The following UBR4 variants were observed in gnomAD, a reference collection of about 807,000 sequenced individuals.
UBR4 encodes the protein ubiquitin protein ligase E3 component n-recognin 4.
In UBR4, 124 loss-of-function variants were observed where a neutral mutation model predicts 575.6. That is an observed-to-expected ratio of 0.22 (90% confidence interval 0.19 to 0.25). The LOEUF is 0.25. Among genes scored for constraint, UBR4 ranks in the 10% least tolerant of loss-of-function variants. The pLI, the probability that UBR4 is intolerant of heterozygous loss-of-function variation, is 1.00. For missense variants in UBR4, 4,818 were observed against 6,478.8 expected (o/e 0.74, Z 8.80); for synonymous variants, 2,455 against 2,473.7 (o/e 0.99, Z 0.22).
At position 19,110,247 on chromosome 1, in the gene UBR4, A is replaced by G; in HGVS notation, c.11978-24T>C. 1.2e-6 allele frequency: 2 copies of G among 1,614,204 alleles called. No individual in the cohort carries two copies. The highest frequency in any genetic ancestry group is 1.7e-6 in the Non-Finnish European group (2 of 1,180,024). On this transcript the variant is annotated intron_variant, in intron 80 of 105. Transcript: ENST00000375254. This position sits in a 1 kb window ranked among gnomAD's most constrained non-coding sequence, Gnocchi z 4.5. Reference sequence around the variant, plus strand: ...AGCTAGGGATGGTCAGGAAAGGCAGAGTCACAATCAGGAACACTACACATC... The same window carrying G: ...AGCTAGGGATGGTCAGGAAAGGCAGGGTCACAATCAGGAACACTACACATC...
Position 19,088,684 on chromosome 1 carries a change from C to T in UBR4, c.14430+75G>A. The T allele has an allele frequency of 6.6e-7, 1 of 1,520,750 alleles. No homozygotes were observed. The highest frequency in any genetic ancestry group is 9.1e-7 in the Non-Finnish European group (1 of 1,102,022). The allele number at this position is 1,520,750 out of a possible 1,614,324, so 94.2% of individuals were successfully genotyped here. On this transcript the variant is annotated intron_variant, in intron 98 of 105. Coordinates refer to ENST00000375254, the MANE Select transcript of UBR4 (RefSeq NM_020765.3). The surrounding 1 kb of genome is among the most constrained non-coding windows in gnomAD (Gnocchi z 4.0). ...AGCCTTCTCTTTCCCCATGGCCAACCCCAGGGCTGTCCCATGGCCACCTCC... is the reference window on the plus strand; with the variant it reads ...AGCCTTCTCTTTCCCCATGGCCAACTCCAGGGCTGTCCCATGGCCACCTCC...
Position 19,139,338 on chromosome 1 carries a change from C to A in UBR4, c.8594-118G>T. On this transcript the variant is annotated intron_variant, in intron 58 of 105. Coordinates refer to ENST00000375254, the MANE Select transcript of UBR4 (RefSeq NM_020765.3). This position sits in a 1 kb window ranked among gnomAD's most constrained non-coding sequence, Gnocchi z 4.2. ...ATCAAACCACATAGTGCATAGGACACAATGCAGTTTATATATCCTGTCGTC... is the reference window on the plus strand; with the variant it reads ...ATCAAACCACATAGTGCATAGGACAAAATGCAGTTTATATATCCTGTCGTC... 1 of 1,306,206 alleles carries A rather than the reference C, an allele frequency of 7.7e-7. No homozygotes were observed. The highest frequency in any genetic ancestry group is 2.6e-4 in the Middle Eastern group (1 of 3,832). 80.9% of individuals were successfully genotyped at this position (1,306,206 alleles called of 1,614,324 possible).
Position 19,074,788 on chromosome 1 carries a change from G to A in UBR4, c.*44C>T, listed in dbSNP as rs2075758824. On this transcript the variant is annotated 3_prime_UTR_variant, in exon 106 of 106. Coordinates refer to ENST00000375254, the MANE Select transcript of UBR4 (RefSeq NM_020765.3). ...CAAGGAGGGAGAACAGAGGGTGGAA[G>A]GCAAGCCAGCTTCGTCTTCGCCGCC... 4.4e-6 allele frequency: 7 copies of A among 1,607,588 alleles called. No homozygotes were observed. Among genetic ancestry groups the A allele is most frequent in the Non-Finnish European group, 6.0e-6 (7 of 1,175,920 alleles).
chr1:19,088,661 C>G lies in UBR4; in HGVS notation c.14430+98G>C, dbSNP rs188824688. ...AGTTCCTTCCTCCTACTCTGTCCAG[C>G]CTTCTCTTTCCCCATGGCCAACCCC... is the stretch of plus-strand genomic sequence containing the variant. On this transcript the variant is annotated intron_variant, in intron 98 of 105. Transcript: ENST00000375254. This position sits in a 1 kb window ranked among gnomAD's most constrained non-coding sequence, Gnocchi z 4.0. 2.1e-5 allele frequency: 26 copies of G among 1,229,684 alleles called. No homozygotes were observed. The highest frequency in any genetic ancestry group is 2.7e-4 in the Middle Eastern group (1 of 3,676). 76.2% of individuals were successfully genotyped at this position (1,229,684 alleles called of 1,614,324 possible).
At position 19,100,535 on chromosome 1, in the gene UBR4, C is replaced by T; in HGVS notation, c.13062G>A (p.Glu4354=). The T allele has an allele frequency of 2.5e-6, 4 of 1,614,064 alleles. No individual in the cohort carries two copies. The highest frequency in any genetic ancestry group is 1.7e-6 in the Non-Finnish European group (2 of 1,180,012). Residue 4354 remains glutamate, a synonymous_variant, in exon 89 of 106, where the codon GAG becomes GAA. Coordinates refer to ENST00000375254, the MANE Select transcript of UBR4 (RefSeq NM_020765.3). The surrounding 1 kb of genome is among the most constrained non-coding windows in gnomAD (Gnocchi z 4.2). ...NEVTEFFVTL[E]KDPQQEDFLQ... Reference sequence around the variant, plus strand: ...AGAAGTCTTCTTGTTGGGGATCCTTCTCCAGGGTCACAAAGAACTCAGTGA... The same window carrying T: ...AGAAGTCTTCTTGTTGGGGATCCTTTTCCAGGGTCACAAAGAACTCAGTGA...
chr1:19,186,864 C>T (rs1298302188), intron 13 of UBR4, among the ~76,000 whole-genome samples: 1 of 151,968 alleles, frequency 6.6e-6, no homozygotes, highest in Non-Finnish European at 1.5e-5. Flanking sequence ...GGAGTGTTTC[C>T]ATAGTGTCCT....
At chr1:19,138,291 A>G (rs1364758408) in intron 59 of UBR4, 110 bp from the exon 60 acceptor site, 4 of 1,176,680 alleles carry the variant, frequency 3.4e-6, no homozygotes, top group African/African-American at 1.6e-5. Context: ...GCATTAGACA[A>G]TAACTGGTAG....
At chr1:19,193,381 A>G in intron 9 of UBR4, 52 bp downstream of exon 9, 1 of 1,596,208 alleles carries the variant, frequency 6.3e-7, no homozygotes, top group Non-Finnish European at 8.6e-7. Context: ...AACTGGCCAT[A>G]CTCCCTCATT....
At position 19,112,658 on chromosome 1, in the gene UBR4, G is replaced by C; in HGVS notation, c.11667C>G (p.Ala3889=). ...GCCTCAAGGCTGGGTTGGTGGCCAG[G>C]GCCCGAAGTAGTGTGATACAATGTT... ...VTEHCITLLR[A]LATNPALRHI... Residue 3889 remains alanine (A), a synonymous_variant, in exon 78 of 106, where the codon GCC becomes GCG. Transcript: ENST00000375254. The C allele has an allele frequency of 6.2e-7, 1 of 1,614,266 alleles. No homozygotes were observed. Among genetic ancestry groups the C allele is most frequent in the Non-Finnish European group, 8.5e-7 (1 of 1,180,046 alleles).
chr1:19,107,848 GAA>G (rs2149231880), intron 81 of UBR4, among the ~76,000 whole-genome samples: 1 of 152,152 alleles, frequency 6.6e-6, no homozygotes, highest in Non-Finnish European at 1.5e-5. Context: ...CATTGAAAAA[GAA>G]GAGTAAATCT....
Position 19,093,903 on chromosome 1 carries a change from T to C in UBR4, c.13937+46A>G, listed in dbSNP as rs978865455. ...TCATCTCACAGACCTAGTTCGGCGT[T>C]TTAGTGGAGACTCTCATTTCACTAT... On this transcript the variant is annotated intron_variant, in intron 95 of 105. Transcript: ENST00000375254. The surrounding 1 kb of genome is among the most constrained non-coding windows in gnomAD (Gnocchi z 4.8). 3.2e-6 allele frequency: 5 copies of C among 1,579,206 alleles called. No individual in the cohort carries two copies. The African/African-American group carries it at 5.4e-5, about 17-fold the overall frequency.
At position 19,155,529 on chromosome 1, in the gene UBR4, T is replaced by C. The variant is rs762856082; in HGVS notation, c.6212A>G (p.Tyr2071Cys). The C allele has an allele frequency of 1.9e-6, 3 of 1,613,980 alleles. No homozygotes were observed. The highest frequency in any genetic ancestry group is 1.1e-5 in the South Asian group (1 of 91,082). Reference sequence around the variant, plus strand: ...GCTGGCCTCTTCCATAAGCTGAGTATAGATGTACCCAGCCGAAGACATTAT... The same window carrying C: ...GCTGGCCTCTTCCATAAGCTGAGTACAGATGTACCCAGCCGAAGACATTAT... The part of the protein sequence containing the change: ...IVIMSSAGYI[Y>C]TQLMEEASSA... Residue 2071 changes from tyrosine (Y) to cysteine (C), a missense_variant, in exon 43 of 106, where the codon TAT becomes TGT. Around this residue, in one of 29 missense-constraint regions of UBR4, gnomAD observed 461 missense variants for 606.9 expected, o/e 0.76. Transcript: ENST00000375254.
chr1:19,148,660 A>C, intron 49 of UBR4, 34 bp from the exon 50 acceptor site: 1 of 1,612,690 alleles, frequency 6.2e-7, no homozygotes, highest in Non-Finnish European at 8.5e-7. Context: ...TGAGTACAAC[A>C]CCGTTCTCTC....
At chr1:19,167,969 C>CTT in intron 28 of UBR4, 58 bp downstream of exon 28, 1 of 1,467,372 alleles carries the variant, frequency 6.8e-7, no homozygotes, top group Non-Finnish European at 9.1e-7. Context: ...CACTGTCCCT[C>CTT]TTTAACCACA....
At chr1:19,205,013 A>T (rs966483652) in intron 1 of UBR4, among the ~76,000 whole-genome samples, 9 of 152,200 alleles carry the variant, frequency 5.9e-5, no homozygotes, top group Non-Finnish European at 1.0e-4. Flanking sequence ...AAATATAAGC[A>T]CGGGAAGGAA....
intron 52 of UBR4, among the ~76,000 whole-genome samples, 174 bp downstream of exon 52, chr1:19,146,652 T>C (rs747924511): frequency 6.6e-6 from 1 of 152,198 alleles, no homozygotes; most frequent in Non-Finnish European, 1.5e-5. Context: ...AAGAATGTGT[T>C]TAAAATTGTA....
chr1:19,128,908 G>C, intron 61 of UBR4, 70 bp downstream of exon 61: 1 of 1,406,500 alleles, frequency 7.1e-7, no homozygotes, highest in Non-Finnish European at 1.0e-6. Flanking sequence ...TCCTCTGGAA[G>C]AGAGATGTGG....
chr1:19,074,612 T>C lies in UBR4; in HGVS notation c.*220A>G. On this transcript the variant is annotated 3_prime_UTR_variant, in exon 106 of 106. Transcript: ENST00000375254. ...TGGCTCCTAGGTATGTACAGGCCCT[T>C]TGATGGCTTGGGTTACAGACAACCT... 1.7e-6 allele frequency: 1 copy of C among 595,530 alleles called. No homozygotes were observed. Among genetic ancestry groups the C allele is most frequent in the Non-Finnish European group, 3.0e-6 (1 of 334,158 alleles). The allele number at this position is 595,530 out of a possible 1,614,324, so 36.9% of individuals were successfully genotyped here. A position where few individuals can be genotyped will look rare whatever the true frequency, so the allele number is the denominator to read the frequency against.
At chr1:19,168,973 G>A (rs10917055) in intron 27 of UBR4, among the ~76,000 whole-genome samples, 25,597 of 112,218 alleles carry the variant, frequency 0.23, 2,436 homozygotes, top group African/African-American at 0.33. Flanking sequence ...GCGAGACTCC[G>A]TCTCAAAAAA....
Sources: allele counts gnomAD v4.1 joint callset (sites outside exome capture counted in the v4.1 genomes callset), GRCh38; gene constraint gnomAD v4.1.1; regional missense constraint gnomAD v4.1.1; non-coding constraint Gnocchi (gnomAD v3.1); transcripts MANE v1.5; gene names NCBI Gene and HGNC (gene_info 2026-07-23, HGNC 2026-07-21).